Variants in CABIN1 observed in about 807,000 individuals in gnomAD.
CABIN1 encodes calcineurin binding protein 1.
A neutral mutation model predicts 227.7 loss-of-function variants in CABIN1; 133 were observed. That is an observed-to-expected ratio of 0.58 (90% confidence interval 0.51 to 0.67). The LOEUF is 0.67. Among genes scored for constraint, CABIN1 ranks in the 30% least tolerant of loss-of-function variants. CABIN1 has a pLI of 0.00. For synonymous variants in CABIN1, 1,086 were observed against 1,155.1 expected (o/e 0.94, Z 1.21); for missense variants, 2,408 against 2,852.5 (o/e 0.84, Z 3.55).
At chr22:24,067,561 A>G (rs2039777915) in intron 16 of CABIN1, among the ~76,000 whole-genome samples, 1 of 152,246 alleles carries the variant, frequency 6.6e-6, no homozygotes, top group South Asian at 2.1e-4. Context: ...TGTACAGTGG[A>G]AAGAATCAAG....
At chr22:24,115,174 C>A (rs934798601) in intron 27 of CABIN1, among the ~76,000 whole-genome samples, 1 of 152,196 alleles carries the variant, frequency 6.6e-6, no homozygotes, top group African/African-American at 2.4e-5. Flanking sequence ...TGCTCTGTGG[C>A]CTGTCAAGCC....
intron 6 of CABIN1, 78 bp downstream of exon 6, chr22:24,043,162 G>A: frequency 7.5e-7 from 1 of 1,342,198 alleles, no homozygotes; most frequent in East Asian, 2.3e-5. Context: ...TGGGTAAACT[G>A]AAAGCCAAAG....
chr22:24,095,531 G>A (rs1049133084), intron 24 of CABIN1, among the ~76,000 whole-genome samples: 7 of 150,822 alleles, frequency 4.6e-5, no homozygotes, highest in African/African-American at 1.7e-4. Flanking sequence ...CCTTGTTTCA[G>A]GGAGTCCAGA....
intron 33 of CABIN1, among the ~76,000 whole-genome samples, chr22:24,170,630 C>T (rs1053867956): frequency 6.6e-6 from 1 of 152,166 alleles, no homozygotes; most frequent in African/African-American, 2.4e-5. Flanking sequence ...TGGGGCACAT[C>T]CCAGACACCC....
chr22:24,176,223 C>T lies in CABIN1; in HGVS notation c.6153C>T (p.Cys2051=). 1 of 1,610,144 alleles carries T rather than the reference C, an allele frequency of 6.2e-7. No individual in the cohort carries two copies. Among genetic ancestry groups the T allele is most frequent in the South Asian group, 1.1e-5 (1 of 90,546 alleles). ...CAAGTTCCCCGGCAGAGCCACACTGCTGGCCGGCAGAGGCTGCCCTGGGCA... is the reference window on the plus strand; with the variant it reads ...CAAGTTCCCCGGCAGAGCCACACTGTTGGCCGGCAGAGGCTGCCCTGGGCA... The part of the protein sequence containing the change: ...APTSSPAEPH[C]WPAEAALGTG... Residue 2051 remains cysteine (C), a synonymous_variant, in exon 35 of 37, where the codon TGC becomes TGT. Transcript: ENST00000263119.
In CABIN1 at chr22:24,035,436, C is replaced by G; in HGVS notation, c.-74-8C>G. The G allele has an allele frequency of 6.3e-7, 1 of 1,589,116 alleles. No homozygotes were observed. The highest frequency in any genetic ancestry group is 1.1e-5 in the South Asian group (1 of 90,600). ...GCCTTGTCTCAGTTTGTCCTATTTCCTTTCTAGGAGAGTTGTGGACTGGGG... is the reference window on the plus strand; with the variant it reads ...GCCTTGTCTCAGTTTGTCCTATTTCGTTTCTAGGAGAGTTGTGGACTGGGG... On this transcript the variant is annotated splice_polypyrimidine_tract_variant and splice_region_variant and intron_variant, in intron 1 of 36. Coordinates refer to ENST00000263119, the MANE Select transcript of CABIN1 (RefSeq NM_012295.4).
intron 4 of CABIN1, 85 bp downstream of exon 4, chr22:24,038,546 C>T: frequency 1.1e-6 from 1 of 925,810 alleles, no homozygotes; most frequent in Non-Finnish European, 1.8e-6. Flanking sequence ...TACCTCTGCT[C>T]TCCCATTTCT....
intron 19 of CABIN1, 89 bp from the exon 20 acceptor site, chr22:24,083,139 T>A: frequency 7.5e-7 from 1 of 1,338,852 alleles, no homozygotes; most frequent in Admixed American, 1.7e-5. Context: ...AAAGAGTTGA[T>A]AGAGTGGTGG....
chr22:24,095,847 C>A, intron 24 of CABIN1, 84 bp from the exon 25 acceptor site: 1 of 1,483,914 alleles, frequency 6.7e-7, no homozygotes, highest in Non-Finnish European at 9.4e-7. Context: ...GGTCATGGGC[C>A]CATTTCCAGT....
chr22:24,137,176 C>T (rs2044475205), intron 29 of CABIN1, among the ~76,000 whole-genome samples: 1 of 152,212 alleles, frequency 6.6e-6, no homozygotes, highest in South Asian at 2.1e-4. Flanking sequence ...CCTTTTGGTG[C>T]TTTGCCCTTA....
chr22:24,084,703 T>C lies in CABIN1; in HGVS notation c.3035T>C (p.Ile1012Thr), dbSNP rs904272828. 72 of 1,613,880 alleles carry C rather than the reference T, an allele frequency of 4.5e-5. No individual in the cohort carries two copies. Among genetic ancestry groups the C allele is most frequent in the Non-Finnish European group, 5.8e-5 (69 of 1,179,916 alleles). ...GACTTGGCCAACCTACTGAAGAGAATTGCCACCATTGTGCCTCGCACAGAG... is the reference window on the plus strand; with the variant it reads ...GACTTGGCCAACCTACTGAAGAGAACTGCCACCATTGTGCCTCGCACAGAG... ...SADLANLLKR[I>T]ATIVPRTERP... Residue 1012 changes from isoleucine to threonine, a missense_variant, in exon 21 of 37, where the codon ATT becomes ACT. Coordinates refer to ENST00000263119, the MANE Select transcript of CABIN1 (RefSeq NM_012295.4).
At chr22:24,101,735 G>A (rs1322428884) in intron 26 of CABIN1, 5 of 152,364 alleles carry the variant, frequency 3.3e-5, no homozygotes, top group Middle Eastern at 3.4e-3. Context: ...CCAGGAAAAC[G>A]AGGTGACCCG....
At position 24,177,474 on chromosome 22, in the gene CABIN1, G is replaced by A; in HGVS notation, c.6206-30G>A. 1 of 1,508,514 alleles carries A rather than the reference G, an allele frequency of 6.6e-7. No individual in the cohort carries two copies. Among genetic ancestry groups the A allele is most frequent in the Non-Finnish European group, 8.9e-7 (1 of 1,128,130 alleles). The allele number at this position is 1,508,514 out of a possible 1,614,324, so 93.4% of individuals were successfully genotyped here. Reference sequence around the variant, plus strand: ...TGCTCACTGTGTGATGCGGCAGGCAGGAAGTGCTCTTGGTACCTTTGTCTT... The same window carrying A: ...TGCTCACTGTGTGATGCGGCAGGCAAGAAGTGCTCTTGGTACCTTTGTCTT... On this transcript the variant is annotated intron_variant, in intron 35 of 36. Coordinates refer to ENST00000263119, the MANE Select transcript of CABIN1 (RefSeq NM_012295.4). The surrounding 1 kb of genome is among the most constrained non-coding windows in gnomAD (Gnocchi z 4.4).
At chr22:24,123,472 C>T (rs983780460) in intron 28 of CABIN1, among the ~76,000 whole-genome samples, 2 of 152,192 alleles carry the variant, frequency 1.3e-5, no homozygotes, top group African/African-American at 4.8e-5. Flanking sequence ...GGGTGGTTCC[C>T]ATTGGCTTCT....
intron 26 of CABIN1, among the ~76,000 whole-genome samples, chr22:24,103,664 G>T (rs1430899066): frequency 6.6e-6 from 1 of 152,196 alleles, no homozygotes; most frequent in African/African-American, 2.4e-5. Flanking sequence ...ACGGGCAGGG[G>T]ACAGGGGAGG....
chr22:24,139,785 G>C (rs1303211510), intron 29 of CABIN1, among the ~76,000 whole-genome samples: 1 of 152,156 alleles, frequency 6.6e-6, no homozygotes, highest in Non-Finnish European at 1.5e-5. Flanking sequence ...TAAGTCCCCT[G>C]GCCTGGCCCA....
chr22:24,103,804 C>T (rs1445096774), intron 26 of CABIN1, among the ~76,000 whole-genome samples: 1 of 152,126 alleles, frequency 6.6e-6, no homozygotes, highest in Non-Finnish European at 1.5e-5. Context: ...AAAAGGGTGC[C>T]ATGGGGAAAG....
intron 26 of CABIN1, among the ~76,000 whole-genome samples, chr22:24,108,314 C>G (rs1462194234): frequency 6.6e-6 from 1 of 152,210 alleles, no homozygotes; most frequent in Non-Finnish European, 1.5e-5. Context: ...ATTGCTAATC[C>G]TCCCTTTACA....
chr22:24,164,625 C>A lies in CABIN1; in HGVS notation c.4910+62C>A, dbSNP rs2046345555. 5 of 1,554,660 alleles carry A rather than the reference C, an allele frequency of 3.2e-6. No homozygotes were observed. The East Asian group carries it at 1.2e-4, about 36-fold the overall frequency. On this transcript the variant is annotated intron_variant, in intron 30 of 36. Transcript: ENST00000263119. ...GTGTGGGTCAGGGGCACACACACCCCAGGAAGCCTCTCCACTGCTCTGGCC... is the reference window on the plus strand; with the variant it reads ...GTGTGGGTCAGGGGCACACACACCCAAGGAAGCCTCTCCACTGCTCTGGCC...
Sources: allele counts gnomAD v4.1 joint callset (sites outside exome capture counted in the v4.1 genomes callset), GRCh38; gene constraint gnomAD v4.1.1; non-coding constraint Gnocchi (gnomAD v3.1); transcripts MANE v1.5; gene names NCBI Gene and HGNC (gene_info 2026-07-23, HGNC 2026-07-21).